SORCS1: variants seen among roughly 807,000 people sequenced by gnomAD.
The protein encoded by SORCS1 is sortilin related VPS10 domain containing receptor 1.
A neutral mutation model predicts 146.1 loss-of-function variants in SORCS1; 60 were observed. The observed-to-expected ratio is 0.41, with a 90% CI of 0.33 to 0.51. SORCS1 has a LOEUF of 0.51. Among genes scored for constraint, SORCS1 ranks in the 20% least tolerant of loss-of-function variants. The pLI is 0.21. For missense variants in SORCS1, 1,352 were observed against 1,487.6 expected (o/e 0.91, Z 1.50); for synonymous variants, 637 against 584.0 (o/e 1.09, Z -1.31).
At chr10:107,026,775 G>A (rs1361265942) in intron 1 of SORCS1, among the ~76,000 whole-genome samples, 1 of 152,012 alleles carries the variant, frequency 6.6e-6, no homozygotes, top group Non-Finnish European at 1.5e-5. Context: ...CACATTGACA[G>A]TAAAGCCACC....
chr10:106,674,328 C>CAAAAAAAAAAAAAAAAAAAAAAAAAAAAA lies in SORCS1; in HGVS notation c.1940+692_1940+720dup, dbSNP rs10658432. Reference sequence around the variant, plus strand: ...TGGGCGACAGAGTAAGACTCCGTCTCAAAAAAAAAAAAAAAAAAAAAAAAA... The same window carrying CAAAAAAAAAAAAAAAAAAAAAAAAAAAAA: ...TGGGCGACAGAGTAAGACTCCGTCTCAAAAAAAAAAAAAAAAAAAAAAAAAAAAAAAAAAAAAAAAAAAAAAAAAAAAAA... On this transcript the variant is annotated intron_variant, in intron 14 of 25. Coordinates refer to ENST00000263054, the MANE Select transcript of SORCS1 (RefSeq NM_052918.5). 7.3e-5 allele frequency among the ~76,000 whole-genome samples: 2 copies of CAAAAAAAAAAAAAAAAAAAAAAAAAAAAA among 27,374 alleles called. 1 individual carries two copies. The highest frequency in any genetic ancestry group is 1.1e-4 in the Non-Finnish European group (2 of 18,436). 18.0% of individuals were successfully genotyped at this position (27,374 alleles called of 152,430 possible).
At chr10:107,082,621 A>G (rs111841664) in intron 1 of SORCS1, among the ~76,000 whole-genome samples, 190 of 152,104 alleles carry the variant, frequency 1.2e-3, no homozygotes, top group African/African-American at 3.6e-3. Flanking sequence ...AGCTGGGATT[A>G]CAGGTTTGTG....
intron 6 of SORCS1, among the ~76,000 whole-genome samples, chr10:106,718,800 T>G (rs1260193109): frequency 6.6e-5 from 10 of 152,226 alleles, no homozygotes; most frequent in Non-Finnish European, 8.8e-5. Context: ...CTGGTGTGTT[T>G]TTACAGAGTG....
At chr10:107,165,284 C>CGTGTGTGTGTGTGTGT (rs1424930240), upstream of SORCS1, among the ~76,000 whole-genome samples, 5 of 73,040 alleles carry the variant, frequency 6.8e-5, no homozygotes, top group African/African-American at 2.6e-4. This position sits in a 1 kb window ranked among gnomAD's most constrained non-coding sequence, Gnocchi z 4.0. Flanking sequence ...TAAATGATCT[C>CGTGTGTGTGTGTGTGT]GTGTGTGAGT....
chr10:106,769,451 C>A (rs2136311319), intron 4 of SORCS1, among the ~76,000 whole-genome samples: 1 of 145,202 alleles, frequency 6.9e-6, no homozygotes, highest in East Asian at 2.0e-4. Context: ...CGCCATTGCA[C>A]TCCAGCCTGG....
intron 6 of SORCS1, among the ~76,000 whole-genome samples, chr10:106,719,418 C>CT (rs11299932): frequency 4.6e-4 from 62 of 135,988 alleles, no homozygotes; most frequent in South Asian, 3.0e-3. Context: ...TTCTTTCTTT[C>CT]TTTTTTTTTT....
intron 2 of SORCS1, among the ~76,000 whole-genome samples, chr10:106,935,733 T>C (rs1953679944): frequency 6.6e-6 from 1 of 152,174 alleles, no homozygotes; most frequent in African/African-American, 2.4e-5. Context: ...GATCACACAA[T>C]TAGTGGCAGT....
upstream of SORCS1, among the ~76,000 whole-genome samples, chr10:107,167,171 A>G (rs1970074330): frequency 6.6e-6 from 1 of 152,374 alleles, no homozygotes; most frequent in Non-Finnish European, 1.5e-5. Flanking sequence ...ATGTAGATAG[A>G]TGGATTCATT....
At chr10:106,721,560 C>A (rs1305878604) in intron 6 of SORCS1, among the ~76,000 whole-genome samples, 3 of 152,236 alleles carry the variant, frequency 2.0e-5, no homozygotes, top group South Asian at 2.1e-4. Flanking sequence ...AAAATTTGCT[C>A]TCAGATGGGT....
chr10:106,842,634 G>C (rs1355993820), intron 2 of SORCS1, among the ~76,000 whole-genome samples: 1 of 151,880 alleles, frequency 6.6e-6, no homozygotes, highest in East Asian at 1.9e-4. Flanking sequence ...TTGTGTTTTT[G>C]AGATGGAGTT....
chr10:106,758,598 T>C (rs940264014), intron 5 of SORCS1, among the ~76,000 whole-genome samples: 2 of 152,186 alleles, frequency 1.3e-5, no homozygotes, highest in Non-Finnish European at 2.9e-5. Flanking sequence ...CTGAGGCCTT[T>C]CTATGCACAT....
chr10:106,610,170 C>T (rs1846881040), intron 22 of SORCS1, among the ~76,000 whole-genome samples: 2 of 152,008 alleles, frequency 1.3e-5, no homozygotes, highest in South Asian at 2.1e-4. Flanking sequence ...CTCAGAGGCA[C>T]ATGAAGATAC....
At chr10:106,985,530 T>G (rs1267865958) in intron 1 of SORCS1, among the ~76,000 whole-genome samples, 1 of 151,140 alleles carries the variant, frequency 6.6e-6, no homozygotes, top group Non-Finnish European at 1.5e-5. Flanking sequence ...TACTATTATT[T>G]CACTTAAGCT....
intron 24 of SORCS1, among the ~76,000 whole-genome samples, chr10:106,591,909 T>C (rs955231224): frequency 1.3e-5 from 2 of 152,218 alleles, no homozygotes; most frequent in African/African-American, 4.8e-5. Flanking sequence ...TGGAATATCA[T>C]GAGTAGACGT....
At chr10:106,840,865 T>TATA (rs1564721109) in intron 2 of SORCS1, among the ~76,000 whole-genome samples, 2,194 of 115,894 alleles carry the variant, frequency 0.019, 25 homozygotes, top group South Asian at 0.037. Context: ...ATATATATAT[T>TATA]TTTTTTTTTT....
intron 3 of SORCS1, among the ~76,000 whole-genome samples, chr10:106,786,863 A>G (rs887765690): frequency 6.6e-6 from 1 of 152,224 alleles, no homozygotes; most frequent in Non-Finnish European, 1.5e-5. Flanking sequence ...TGAAGTTGCC[A>G]GAATTTTCAT....
At chr10:106,853,983 T>G (rs941594503) in intron 2 of SORCS1, among the ~76,000 whole-genome samples, 1 of 151,984 alleles carries the variant, frequency 6.6e-6, no homozygotes, top group Non-Finnish European at 1.5e-5. Context: ...GTTGATGGTG[T>G]TGTTGAGTTC....
chr10:107,120,239 A>G (rs1429631311), intron 1 of SORCS1, among the ~76,000 whole-genome samples: 1 of 152,220 alleles, frequency 6.6e-6, no homozygotes, highest in African/African-American at 2.4e-5. Flanking sequence ...ATCTTCATAC[A>G]TCATATATAA....
chr10:106,791,543 T>C (rs1343564142), intron 3 of SORCS1, among the ~76,000 whole-genome samples: 1 of 151,940 alleles, frequency 6.6e-6, no homozygotes, highest in Admixed American at 6.6e-5. Flanking sequence ...CTATTAAAAA[T>C]ACAAAATTAG....
Sources: gnomAD v4.1 joint callset for allele counts (sites outside exome capture counted in the v4.1 genomes callset) on GRCh38, gnomAD v4.1.1 for gene constraint, Gnocchi (gnomAD v3.1) non-coding constraint, MANE v1.5 for transcripts, NCBI Gene and HGNC (gene_info 2026-07-23, HGNC 2026-07-21) for gene names.